Variants in BUB1B observed in about 807,000 individuals in gnomAD.
BUB1B encodes mitotic checkpoint serine/threonine-protein kinase BUB1 beta.
A neutral mutation model predicts 137.7 loss-of-function variants in BUB1B; 86 were observed. That is an observed-to-expected ratio of 0.62 (90% CI 0.52 to 0.75). The LOEUF (loss-of-function observed/expected upper bound fraction) is 0.75, where lower values mean the gene tolerates loss of function less well. BUB1B is among the 30% of genes least tolerant of loss of function. The pLI, the probability that BUB1B is intolerant of heterozygous loss-of-function variation, is 0.00. For synonymous variants in BUB1B, 420 were observed against 417.9 expected (o/e 1.00, Z -0.06); for missense variants, 1,130 against 1,236.9 (o/e 0.91, Z 1.30).
At chr15:40,214,471 T>G (rs1253827158) in intron 20 of BUB1B, among the ~76,000 whole-genome samples, 1 of 152,216 alleles carries the variant, frequency 6.6e-6, no homozygotes, top group African/African-American at 2.4e-5. Context: ...GGTTTAAAGA[T>G]GCTGTGTCTG....
At chr15:40,217,961 T>C (rs2037822473) in intron 21 of BUB1B, among the ~76,000 whole-genome samples, 1 of 152,210 alleles carries the variant, frequency 6.6e-6, no homozygotes, top group African/African-American at 2.4e-5. Flanking sequence ...CTCTGTAAAA[T>C]AGGGATAACA....
intron 16 of BUB1B, among the ~76,000 whole-genome samples, chr15:40,209,373 G>T (rs1029954582): frequency 2.0e-5 from 3 of 152,218 alleles, no homozygotes; most frequent in African/African-American, 7.2e-5. Context: ...GCAGTGAGCC[G>T]AGATGGCGCC....
At chr15:40,170,278 G>C in intron 3 of BUB1B, 157 bp downstream of exon 3, 1 of 804,454 alleles carries the variant, frequency 1.2e-6, no homozygotes, top group Admixed American at 2.5e-5. Context: ...TCTTCCTGAG[G>C]TGTTTAAGAT....
intron 6 of BUB1B, among the ~76,000 whole-genome samples, chr15:40,184,895 G>A (rs1470387520): frequency 6.6e-6 from 1 of 152,200 alleles, no homozygotes; most frequent in Non-Finnish European, 1.5e-5. Flanking sequence ...GAAGGAAGAT[G>A]CAGAATGTCT....
chr15:40,186,167 T>C (rs1209636941), intron 8 of BUB1B, among the ~76,000 whole-genome samples: 1 of 152,128 alleles, frequency 6.6e-6, no homozygotes, highest in African/African-American at 2.4e-5. Flanking sequence ...GCTTCAGCAG[T>C]AGAGTTAGAA....
intron 20 of BUB1B, among the ~76,000 whole-genome samples, chr15:40,216,572 T>TATA (rs1491509706): frequency 6.2e-4 from 29 of 46,906 alleles, no homozygotes; most frequent in African/African-American, 2.4e-3. Flanking sequence ...TATATATATA[T>TATA]TTTTTTTTTT....
intron 19 of BUB1B, 53 bp downstream of exon 19, chr15:40,212,701 T>C: frequency 6.5e-7 from 1 of 1,540,832 alleles, no homozygotes; most frequent in Non-Finnish European, 8.9e-7. Flanking sequence ...AGATTTGTGC[T>C]CCATTTAGCA....
rs2037729165 is a variant in BUB1B at position 40,212,653 on chromosome 15, GT to G, written c.2535+6del. The G allele has an allele frequency of 6.2e-7, 1 of 1,611,640 alleles. No individual in the cohort carries two copies. Among genetic ancestry groups the G allele is most frequent in the South Asian group, 1.1e-5 (1 of 90,980 alleles). On this transcript the variant is annotated splice_donor_region_variant and intron_variant, in intron 19 of 22. Transcript: ENST00000287598. ...ATAAACTGCTTCACCCTTCAGGTCT[GT>G]AATACTAAAAACATAATTTAAAGTC... is the stretch of plus-strand genomic sequence containing the variant.
At chr15:40,188,283 T>A (rs1288148779) in intron 8 of BUB1B, among the ~76,000 whole-genome samples, 1 of 152,142 alleles carries the variant, frequency 6.6e-6, no homozygotes, top group Non-Finnish European at 1.5e-5. Flanking sequence ...GACCTCGTGA[T>A]CTGCCTGTCT....
chr15:40,185,098 T>C lies in BUB1B; in HGVS notation c.752-67T>C, dbSNP rs1375909575. On this transcript the variant is annotated intron_variant, in intron 6 of 22. Coordinates refer to ENST00000287598, the MANE Select transcript of BUB1B (RefSeq NM_001211.6). Reference sequence around the variant, plus strand: ...TCCTTGAGTTGAGGAAGAATAGGTATACTTTATCTGGCATCTAAGTTAATA... The same window carrying C: ...TCCTTGAGTTGAGGAAGAATAGGTACACTTTATCTGGCATCTAAGTTAATA... The C allele has an allele frequency of 8.2e-6, 11 of 1,336,384 alleles. No individual in the cohort carries two copies. In the African/African-American group the frequency reaches 1.0e-4, roughly 12 times the overall value. The allele number at this position is 1,336,384 out of a possible 1,614,324, so 82.8% of individuals were successfully genotyped here.
chr15:40,166,440 C>T (rs746954947), intron 2 of BUB1B: 12 of 375,986 alleles, frequency 3.2e-5, no homozygotes, highest in East Asian at 2.0e-4. Flanking sequence ...CCTGGGTTCA[C>T]GCCAATCTCC....
In BUB1B at chr15:40,220,742, G is replaced by A. The variant is rs554186151; in HGVS notation, c.3136G>A (p.Ala1046Thr). 6.2e-7 allele frequency: 1 copy of A among 1,614,002 alleles called. No individual in the cohort carries two copies. Among genetic ancestry groups the A allele is most frequent in the Non-Finnish European group, 8.5e-7 (1 of 1,180,024 alleles). The change falls in exon 23 of 23, where the codon GCT becomes ACT. Residue 1046 changes from alanine (A) to threonine (T), a missense_variant. Physicochemically the swap from Ala to Thr is moderately conservative, Grantham distance 58. Coordinates refer to ENST00000287598, the MANE Select transcript of BUB1B (RefSeq NM_001211.6). ...WKVGKLTSPGALLFQ is the reference protein window; with the variant it reads ...WKVGKLTSPGTLLFQ ...GGTAGGGAAGTTAACTAGTCCTGGG[G>A]CTTTGCTCTTTCAGTGAGCTAGGCA...
At position 40,218,915 on chromosome 15, in the gene BUB1B, A is replaced by C. The variant is rs112344187; in HGVS notation, c.2957+353A>C. Among the ~76,000 whole-genome samples, 1,046 of 152,096 alleles carry C rather than the reference A, an allele frequency of 6.9e-3. 8 individuals carry two copies. Among genetic ancestry groups the C allele is most frequent in the African/African-American group, 0.023 (946 of 41,522 alleles). ...GTTAGCCTTAAATTCCTTTTTCTTT[A>C]TTTATTTATTTTTTGAGACGGAGTC... is the stretch of plus-strand genomic sequence containing the variant. On this transcript the variant is annotated intron_variant, in intron 22 of 22. Transcript: ENST00000287598.
rs1160280090 is a variant in BUB1B at position 40,165,259 on chromosome 15, G to A, written c.179+63G>A. 1.8e-5 allele frequency: 29 copies of A among 1,608,582 alleles called. No individual in the cohort carries two copies. The Middle Eastern group carries it at 5.1e-4, about 28-fold the overall frequency. ...ATCCTAAATGTTGTAGATAACGTGG[G>A]TGTGGATCCATGAGAGATGGCATAA... On this transcript the variant is annotated intron_variant, in intron 2 of 22. Transcript: ENST00000287598.
In BUB1B at chr15:40,187,484, G is replaced by A. The variant is rs575998890; in HGVS notation, c.1058+1842G>A. Among the ~76,000 whole-genome samples, 16 of 151,722 alleles carry A rather than the reference G, an allele frequency of 1.1e-4. 1 individual carries two copies. Among genetic ancestry groups the A allele is most frequent in the South Asian group, 1.0e-3 (5 of 4,812 alleles). ...TGGGTGCCTGTAGTCCTAACTACTCGAGTGGCTGAAGCAGGAGGATCACTT... is the reference window on the plus strand; with the variant it reads ...TGGGTGCCTGTAGTCCTAACTACTCAAGTGGCTGAAGCAGGAGGATCACTT... On this transcript the variant is annotated intron_variant, in intron 8 of 22. Transcript: ENST00000287598.
At chr15:40,191,909 T>C (rs1462676411) in intron 8 of BUB1B, among the ~76,000 whole-genome samples, 1 of 152,212 alleles carries the variant, frequency 6.6e-6, no homozygotes, top group Non-Finnish European at 1.5e-5. Context: ...TTGTAGTAAC[T>C]TTTGAAATTG....
At chr15:40,173,295 T>TAAAAAA (rs61078619) in intron 4 of BUB1B, among the ~76,000 whole-genome samples, 6 of 85,890 alleles carry the variant, frequency 7.0e-5, no homozygotes, top group Non-Finnish European at 7.3e-5. Context: ...GAAAAAAAGA[T>TAAAAAA]AAAAAAAAAA....
At chr15:40,220,500 A>C in intron 22 of BUB1B, 64 bp from the exon 23 acceptor site, 2 of 1,560,450 alleles carry the variant, frequency 1.3e-6, no homozygotes, top group African/African-American at 2.7e-5. Flanking sequence ...CACTGAGTTA[A>C]ACTAAAAGGA....
intron 9 of BUB1B, among the ~76,000 whole-genome samples, chr15:40,198,944 G>A (rs568935996): frequency 6.6e-6 from 1 of 152,244 alleles, no homozygotes; most frequent in African/African-American, 2.4e-5. Flanking sequence ...AAAACTCCAT[G>A]TGGCTTAGCC....
Sources: allele counts gnomAD v4.1 joint callset (sites outside exome capture counted in the v4.1 genomes callset), GRCh38; gene constraint gnomAD v4.1.1; transcripts MANE v1.5; gene names NCBI Gene and HGNC (gene_info 2026-07-23, HGNC 2026-07-21).